ZFP62: variants seen among roughly 807,000 people sequenced by gnomAD.
The protein encoded by ZFP62 is zinc finger protein 62 homolog.
ZFP62 carries 44 observed loss-of-function variants against 56.4 expected under a neutral mutation model. The ratio of observed to expected loss-of-function variants is 0.78; its 90% CI spans 0.61 to 1.00. The LOEUF is 1.00. ZFP62 is among the 50% of genes least tolerant of loss of function. ZFP62 has a pLI of 0.00. For synonymous variants in ZFP62, 421 were observed against 388.9 expected (o/e 1.08, Z -0.97); for missense variants, 1,030 against 1,085.7 (o/e 0.95, Z 0.72).
chr5:180,846,242 C>T (rs189741811), downstream of ZFP62, among the ~76,000 whole-genome samples: 6 of 152,230 alleles, frequency 3.9e-5, no homozygotes, highest in East Asian at 1.9e-4. Context: ...AGATGGGGGC[C>T]GCAGTAGGAG....
the ZFP62 span, among the ~76,000 whole-genome samples, chr5:180,832,125 C>T: frequency 6.6e-6 from 1 of 152,124 alleles, no homozygotes; most frequent in Non-Finnish European, 1.5e-5. Flanking sequence ...CTTGCTGGCT[C>T]CTTGATTTTA....
chr5:180,843,127 A>G (rs531511751), downstream of ZFP62, among the ~76,000 whole-genome samples: 1 of 151,110 alleles, frequency 6.6e-6, no homozygotes, highest in East Asian at 1.9e-4. Flanking sequence ...ATTTTAATAT[A>G]TATGTACATT....
chr5:180,860,326 G>A (rs966589100), intron 1 of ZFP62, among the ~76,000 whole-genome samples: 1 of 152,184 alleles, frequency 6.6e-6, no homozygotes, highest in Non-Finnish European at 1.5e-5. Flanking sequence ...CCAGCCATAT[G>A]AATATATTAC....
At chr5:180,854,962 G>C (rs1222758839) in intron 1 of ZFP62, among the ~76,000 whole-genome samples, 2 of 152,296 alleles carry the variant, frequency 1.3e-5, no homozygotes, top group East Asian at 3.9e-4. Flanking sequence ...AGCTGAAAAA[G>C]TTGGAAAATG....
Position 180,848,621 on chromosome 5 carries a change from G to A in ZFP62, c.*171C>T. 1 of 1,364,968 alleles carries A rather than the reference G, an allele frequency of 7.3e-7. No individual in the cohort carries two copies. Among genetic ancestry groups the A allele is most frequent in the South Asian group, 2.1e-5 (1 of 47,268 alleles). 84.6% of individuals were successfully genotyped at this position (1,364,968 alleles called of 1,614,324 possible). A position where few individuals can be genotyped will look rare whatever the true frequency, so the allele number is the denominator to read the frequency against. ...GTAAGAGCTGAACTACCTTGACACTGGAGCCTTTCTTGCTTGCTATGATTG... is the reference window on the plus strand; with the variant it reads ...GTAAGAGCTGAACTACCTTGACACTAGAGCCTTTCTTGCTTGCTATGATTG... On this transcript the variant is annotated 3_prime_UTR_variant, in exon 2 of 2. Coordinates refer to ENST00000502412, the MANE Select transcript of ZFP62 (RefSeq NM_001172638.2).
chr5:180,829,834 G>C, the ZFP62 span: 1 of 152,856 alleles, frequency 6.5e-6, no homozygotes, highest in East Asian at 1.9e-4. Context: ...GCCTGGGGTG[G>C]GGGTGGGTGA....
chr5:180,861,249 G>A lies in ZFP62; in HGVS notation c.-30C>T, dbSNP rs1411713374. The stretch of plus-strand genomic sequence containing the variant: ...GTGGCGGCGCCGCGGGAACCCGGCC[G>A]CCAGCGGGACAAAAGCGCGGACCGC... On this transcript the variant is annotated 5_prime_UTR_variant, in exon 1 of 2. Coordinates refer to ENST00000502412, the MANE Select transcript of ZFP62 (RefSeq NM_001172638.2). 6 of 397,656 alleles carry A rather than the reference G, an allele frequency of 1.5e-5. No individual in the cohort carries two copies. Among genetic ancestry groups the A allele is most frequent in the Admixed American group, 4.4e-5 (1 of 22,678 alleles). 24.6% of individuals were successfully genotyped at this position (397,656 alleles called of 1,614,324 possible). A position where few individuals can be genotyped will look rare whatever the true frequency, so the allele number is the denominator to read the frequency against.
rs755047865 is a variant in ZFP62 at position 180,848,943 on chromosome 5, A to G, written c.2552T>C (p.Ile851Thr). ...TTTATGCTTGGTGAGATTTGATCTG[A>G]TATTAAAAGCCTTACCACACTCATT... is the stretch of plus-strand genomic sequence containing the variant. ...RCNECGKAFN[I>T]RSNLTKHKRT... Residue 851 changes from isoleucine (I) to threonine (T), a missense_variant, in exon 2 of 2, where the codon ATC becomes ACC. By Grantham distance (89) the Ile-to-Thr change is moderately conservative. Transcript: ENST00000502412. 3.0e-5 allele frequency: 47 copies of G among 1,551,614 alleles called. No individual in the cohort carries two copies. Among genetic ancestry groups the G allele is most frequent in the Non-Finnish European group, 4.1e-5 (47 of 1,147,004 alleles).
At chr5:180,847,163 T>C (rs1773433421), downstream of ZFP62, among the ~76,000 whole-genome samples, 1 of 152,244 alleles carries the variant, frequency 6.6e-6, no homozygotes, top group African/African-American at 2.4e-5. Flanking sequence ...CAATGGGTTT[T>C]GAAACCAGAT....
In ZFP62 at chr5:180,850,438, T is replaced by A; in HGVS notation, c.1057A>T (p.Ile353Phe). Residue 353 changes from isoleucine to phenylalanine, a missense_variant, in exon 2 of 2, where the codon ATT (isoleucine) becomes TTT (phenylalanine). Transcript: ENST00000502412. ...CCAGTGTGGATGACTTTATGCTGAA[T>A]GAGAAGAGAGCTATAATTAAAAGAT... ...EKSFNYSSLL[I>F]QHKVIHTGEK... 1 of 1,554,476 alleles carries A rather than the reference T, an allele frequency of 6.4e-7. No homozygotes were observed. Among genetic ancestry groups the A allele is most frequent in the Non-Finnish European group, 8.7e-7 (1 of 1,148,660 alleles).
the ZFP62 span, among the ~76,000 whole-genome samples, chr5:180,833,944 C>T: frequency 6.6e-6 from 1 of 152,182 alleles, no homozygotes; most frequent in African/African-American, 2.4e-5. Flanking sequence ...GCTGGGATTA[C>T]AGGCGTGAGC....
rs775182564 is a variant in ZFP62, at chr5:180,849,305, C to T, written c.2190G>A (p.Lys730=). Residue 730 remains lysine (K), a synonymous_variant, in exon 2 of 2, where the codon AAG becomes AAA. Coordinates refer to ENST00000502412, the MANE Select transcript of ZFP62 (RefSeq NM_001172638.2). ...KRVHLGEKPF[K]CVECGKSFSY... Reference sequence around the variant, plus strand: ...TGAAAGATTTCCCACACTCAACACACTTGAAGGGTTTCTCCCCAAGATGGA... The same window carrying T: ...TGAAAGATTTCCCACACTCAACACATTTGAAGGGTTTCTCCCCAAGATGGA... 6.4e-7 allele frequency: 1 copy of T among 1,552,316 alleles called. No homozygotes were observed. The highest frequency in any genetic ancestry group is 2.0e-5 in the Admixed American group (1 of 51,002).
the ZFP62 span, chr5:180,835,387 A>C: frequency 6.6e-6 from 1 of 152,194 alleles, no homozygotes; most frequent in Non-Finnish European, 1.5e-5. Context: ...TTTAGCCTTG[A>C]ACTTAGTTAC....
downstream of ZFP62, among the ~76,000 whole-genome samples, chr5:180,847,292 C>T (rs1773437528): frequency 6.6e-6 from 1 of 152,232 alleles, no homozygotes; most frequent in Non-Finnish European, 1.5e-5. Context: ...CAGCTTCATA[C>T]ACAGCAGTAG....
Position 180,856,984 on chromosome 5 carries a change from TACAGG to T in ZFP62, c.1+4230_1+4234del, listed in dbSNP as rs202057030. Among the ~76,000 whole-genome samples, 529 of 80,664 alleles carry T rather than the reference TACAGG, an allele frequency of 6.6e-3. 4 individuals carry two copies. The highest frequency in any genetic ancestry group is 0.03 in the African/African-American group (501 of 16,714). The allele number at this position is 80,664 out of a possible 152,430, so 52.9% of individuals were successfully genotyped here. ...AAAAAAAAAAAAAAAAAAAAGCAAA[TACAGG>T]ACATGGAGGGTGGGAAAGGGGGGAT... On this transcript the variant is annotated intron_variant, in intron 1 of 1. Transcript: ENST00000502412.
At chr5:180,855,754 TC>T (rs1246421731) in intron 1 of ZFP62, among the ~76,000 whole-genome samples, 1 of 152,094 alleles carries the variant, frequency 6.6e-6, no homozygotes, top group Non-Finnish European at 1.5e-5. Flanking sequence ...ATCCCCCACC[TC>T]CTTCTTACTG....
In ZFP62 at chr5:180,858,287, GAAAAGA is replaced by G. The variant is rs1774114753; in HGVS notation, c.1+2926_1+2931del. 3.1e-5 allele frequency among the ~76,000 whole-genome samples: 4 copies of G among 129,074 alleles called. No individual in the cohort carries two copies. The East Asian group carries it at 7.1e-4, about 23-fold the overall frequency. The allele number at this position is 129,074 out of a possible 152,430, so 84.7% of individuals were successfully genotyped here. On this transcript the variant is annotated intron_variant, in intron 1 of 1. Coordinates refer to ENST00000502412, the MANE Select transcript of ZFP62 (RefSeq NM_001172638.2). ...AAAAAAAAAAAAAAAAAGAAAAAAA[GAAAAGA>G]AAAAAAAGAAAAATATTTTAAAAAG...
chr5:180,839,321 T>C, the ZFP62 span, among the ~76,000 whole-genome samples: 7 of 152,208 alleles, frequency 4.6e-5, no homozygotes, highest in African/African-American at 1.4e-4. Flanking sequence ...TCAGGAACCA[T>C]GACAGCCTGT....
chr5:180,827,312 T>C, the ZFP62 span, among the ~76,000 whole-genome samples: 5 of 152,334 alleles, frequency 3.3e-5, no homozygotes, highest in East Asian at 3.9e-4. Flanking sequence ...TGTGTCTGTA[T>C]AGAAAGAAGT....
Sources: allele counts gnomAD v4.1 joint callset (sites outside exome capture counted in the v4.1 genomes callset), GRCh38; gene constraint gnomAD v4.1.1; transcripts MANE v1.5; gene names NCBI Gene and HGNC (gene_info 2026-07-23, HGNC 2026-07-21).